RANBP3: variants seen among roughly 807,000 people sequenced by gnomAD.
RANBP3 encodes the protein RAN binding protein 3.
Under a neutral mutation model 77.3 loss-of-function variants are expected in RANBP3, and 14 were observed. The ratio of observed to expected loss-of-function variants is 0.18; its 90% CI spans 0.12 to 0.28. The LOEUF (loss-of-function observed/expected upper bound fraction) is 0.28. Among genes scored for constraint, RANBP3 ranks in the 10% least tolerant of loss-of-function variants. The pLI, the probability that RANBP3 is intolerant of heterozygous loss-of-function variation, is 1.00. For missense variants in RANBP3, 586 were observed against 752.3 expected (o/e 0.78, Z 2.59); for synonymous variants, 315 against 312.4 (o/e 1.01, Z -0.09).
In RANBP3 at chr19:5,921,608, C is replaced by T. The variant is rs1246112424; in HGVS notation, c.1210-287G>A. Among the ~76,000 whole-genome samples, 1 of 152,262 alleles carries T rather than the reference C, an allele frequency of 6.6e-6. No individual in the cohort carries two copies. The highest frequency in any genetic ancestry group is 1.5e-5 in the Non-Finnish European group (1 of 68,044). On this transcript the variant is annotated intron_variant, in intron 13 of 16. Transcript: ENST00000340578. The surrounding 1 kb of genome is among the most constrained non-coding windows in gnomAD (Gnocchi z 5.3). ...TATACCCATGTGGGGAAGCTGGAAC[C>T]CTCACACACTGCTGGCGGGAAGGCC... is the stretch of plus-strand genomic sequence containing the variant.
At position 5,958,294 on chromosome 19, in the gene RANBP3, G is replaced by A. The variant is rs969547063; in HGVS notation, c.23-321C>T. On this transcript the variant is annotated intron_variant, in intron 1 of 16. Coordinates refer to ENST00000340578, the MANE Select transcript of RANBP3 (RefSeq NM_007322.3). This position sits in a 1 kb window ranked among gnomAD's most constrained non-coding sequence, Gnocchi z 4.4. Reference sequence around the variant, plus strand: ...GGAGAGTGTGGCAGCGCTATTTGGCGCCATGAACTGTGACCTTGCAGGAAT... The same window carrying A: ...GGAGAGTGTGGCAGCGCTATTTGGCACCATGAACTGTGACCTTGCAGGAAT... Among the ~76,000 whole-genome samples the A allele has an allele frequency of 2.0e-5, 3 of 152,314 alleles. No homozygotes were observed. Among genetic ancestry groups the A allele is most frequent in the African/African-American group, 4.8e-5 (2 of 41,560 alleles).
chr19:5,930,594 G>C (rs1304829592), intron 8 of RANBP3, among the ~76,000 whole-genome samples: 1 of 152,086 alleles, frequency 6.6e-6, no homozygotes, highest in Non-Finnish European at 1.5e-5. Context: ...TTTAAGGCAG[G>C]GTCTGGCTCT....
At position 5,931,509 on chromosome 19, in the gene RANBP3, C is replaced by T. The variant is rs745905078; in HGVS notation, c.588G>A (p.Gly196=). ...CCGTGCAGTCTGCTGGGAGGCTGAC[C>T]CCGTTGGTGCCACTGCTGGGGACTG... ...SQTVPSSGTN[G]VSLPADCTGA... Residue 196 remains glycine, a synonymous_variant, in exon 8 of 17, where the codon GGG becomes GGA. Coordinates refer to ENST00000340578, the MANE Select transcript of RANBP3 (RefSeq NM_007322.3). The T allele has an allele frequency of 6.2e-7, 1 of 1,610,822 alleles. No homozygotes were observed. Among genetic ancestry groups the T allele is most frequent in the Non-Finnish European group, 8.5e-7 (1 of 1,178,080 alleles).
In RANBP3 at chr19:5,923,176, G is replaced by A; in HGVS notation, c.1209+18C>T. The A allele has an allele frequency of 1.2e-6, 2 of 1,608,478 alleles. No homozygotes were observed. Among genetic ancestry groups the A allele is most frequent in the Middle Eastern group, 1.7e-4 (1 of 6,054 alleles). ...GCATGGAAGACCCAGGGCCACCGAGGAGGGGCCGGCCCCTCACCTGTAACA... is the reference window on the plus strand; with the variant it reads ...GCATGGAAGACCCAGGGCCACCGAGAAGGGGCCGGCCCCTCACCTGTAACA... On this transcript the variant is annotated intron_variant, in intron 13 of 16. Coordinates refer to ENST00000340578, the MANE Select transcript of RANBP3 (RefSeq NM_007322.3).
chr19:5,950,085 C>T (rs888910156), intron 3 of RANBP3, among the ~76,000 whole-genome samples: 1 of 152,146 alleles, frequency 6.6e-6, no homozygotes, highest in East Asian at 1.9e-4. Context: ...CTCTCAAAGA[C>T]CAGAGGTGCA....
chr19:5,963,090 A>G (rs1373912479), intron 1 of RANBP3, among the ~76,000 whole-genome samples: 2 of 152,216 alleles, frequency 1.3e-5, no homozygotes, highest in Non-Finnish European at 2.9e-5. Context: ...AAGACCTTTA[A>G]TATTAAAATA....
chr19:5,946,023 C>A (rs536312713), intron 3 of RANBP3, among the ~76,000 whole-genome samples: 2 of 152,124 alleles, frequency 1.3e-5, no homozygotes, highest in African/African-American at 4.8e-5. Flanking sequence ...AGGCTCTGGC[C>A]ATGTGGCCTC....
intron 3 of RANBP3, among the ~76,000 whole-genome samples, chr19:5,942,566 C>T (rs1298266207): frequency 6.6e-6 from 1 of 151,924 alleles, no homozygotes. Flanking sequence ...AGTAGCTGGG[C>T]GTGGTGGTGC....
At position 5,941,627 on chromosome 19, in the gene RANBP3, G is replaced by T. The variant is rs1025075436; in HGVS notation, c.400C>A (p.Gln134Lys). Reference protein sequence around the residue: ...TSSLTQFPPSQSEERSSGFRL... With the variant: ...TSSLTQFPPSKSEERSSGFRL... ...GTAAGTTTGCATATTTTACCTGACT[G>T]TGAGGGTGGGAACTGGGTTAAAGAG... Residue 134 changes from glutamine to lysine, a missense_variant, in exon 5 of 17, where the codon CAG becomes AAG. This residue lies in a region of RANBP3 where 172 missense variants were observed against 183.4 expected (regional missense o/e 0.94). Coordinates refer to ENST00000340578, the MANE Select transcript of RANBP3 (RefSeq NM_007322.3). 1 of 1,611,864 alleles carries T rather than the reference G, an allele frequency of 6.2e-7. No individual in the cohort carries two copies. The highest frequency in any genetic ancestry group is 8.5e-7 in the Non-Finnish European group (1 of 1,178,444).
intron 6 of RANBP3, 60 bp downstream of exon 6, chr19:5,933,354 A>G (rs574151301): frequency 2.1e-6 from 3 of 1,430,336 alleles, no homozygotes; most frequent in African/African-American, 2.9e-5. Context: ...GGTGTGGCCT[A>G]GCAGAGGTCT....
intron 5 of RANBP3, among the ~76,000 whole-genome samples, chr19:5,936,262 G>A (rs2058063250): frequency 6.6e-6 from 1 of 152,264 alleles, no homozygotes; most frequent in African/African-American, 2.4e-5. Flanking sequence ...GATGCACAGA[G>A]GACAGAGGGT....
intron 1 of RANBP3, chr19:5,962,600 G>A (rs922074111): frequency 2.0e-5 from 9 of 453,718 alleles, no homozygotes; most frequent in African/African-American, 1.0e-4. Flanking sequence ...AATAGGAGAT[G>A]AACTTGGCCC....
In RANBP3 at chr19:5,918,610, C is replaced by G. The variant is rs1404711227; in HGVS notation, c.1359G>C (p.Leu453=). ...GGGCCCACAGCTTGGTGTTGAGGATCAGTCGCAGGCTCCCCTGGGTCCGCA... is the reference window on the plus strand; with the variant it reads ...GGGCCCACAGCTTGGTGTTGAGGATGAGTCGCAGGCTCCCCTGGGTCCGCA... ...LVMRTQGSLR[L]ILNTKLWAQM... is the part of the protein sequence containing the mutation. Residue 453 remains leucine (L), a synonymous_variant, in exon 15 of 17, where the codon CTG becomes CTC. Coordinates refer to ENST00000340578, the MANE Select transcript of RANBP3 (RefSeq NM_007322.3). 1 of 1,613,666 alleles carries G rather than the reference C, an allele frequency of 6.2e-7. No individual in the cohort carries two copies. Among genetic ancestry groups the G allele is most frequent in the Non-Finnish European group, 8.5e-7 (1 of 1,179,866 alleles).
intron 14 of RANBP3, chr19:5,920,871 T>C (rs2057808872): frequency 5.3e-6 from 1 of 190,320 alleles, no homozygotes; most frequent in Non-Finnish European, 1.1e-5. Context: ...ATCAAGAGAT[T>C]AGACTTGATG....
intron 2 of RANBP3, among the ~76,000 whole-genome samples, chr19:5,956,032 A>C (rs887043163): frequency 2.0e-5 from 3 of 152,242 alleles, no homozygotes; most frequent in Non-Finnish European, 4.4e-5. Flanking sequence ...GCTTGAAGCC[A>C]GGAGTTCAAG....
chr19:5,962,406 T>C (rs768337377), intron 1 of RANBP3, among the ~76,000 whole-genome samples: 4 of 151,880 alleles, frequency 2.6e-5, no homozygotes, highest in Non-Finnish European at 5.9e-5. Flanking sequence ...ATGTAAGTTC[T>C]AGAAAGTGGG....
At chr19:5,917,736 A>G in intron 16 of RANBP3, 58 bp downstream of exon 16, 1 of 1,587,242 alleles carries the variant, frequency 6.3e-7, no homozygotes, top group South Asian at 1.1e-5. Context: ...TCAGCACTGG[A>G]TCAAGGATGG....
At position 5,924,768 on chromosome 19, in the gene RANBP3, C is replaced by G; in HGVS notation, c.996+59G>C. On this transcript the variant is annotated intron_variant, in intron 11 of 16. Coordinates refer to ENST00000340578, the MANE Select transcript of RANBP3 (RefSeq NM_007322.3). This position sits in a 1 kb window ranked among gnomAD's most constrained non-coding sequence, Gnocchi z 4.7. ...AGCCCTGCTCTCCATGTCCCCTTGA[C>G]CTGTGGCTGGCGCCGAGAGCCTCTG... 6.6e-7 allele frequency: 1 copy of G among 1,524,148 alleles called. No homozygotes were observed. Among genetic ancestry groups the G allele is most frequent in the East Asian group, 2.2e-5 (1 of 44,464 alleles). The allele number at this position is 1,524,148 out of a possible 1,614,324, so 94.4% of individuals were successfully genotyped here. A position where few individuals can be genotyped will look rare whatever the true frequency, so the allele number is the denominator to read the frequency against.
intron 2 of RANBP3, among the ~76,000 whole-genome samples, chr19:5,957,107 C>A (rs2058344084): frequency 6.6e-6 from 1 of 152,128 alleles, no homozygotes; most frequent in Admixed American, 6.5e-5. Context: ...GGGGAGGGAC[C>A]ACACATTATT....
Sources: gnomAD v4.1 joint callset for allele counts (sites outside exome capture counted in the v4.1 genomes callset) on GRCh38, gnomAD v4.1.1 for gene constraint, gnomAD v4.1.1 regional missense constraint, Gnocchi (gnomAD v3.1) non-coding constraint, MANE v1.5 for transcripts, NCBI Gene and HGNC (gene_info 2026-07-23, HGNC 2026-07-21) for gene names.